The following PTGFRN variants were observed in gnomAD, a reference collection of about 807,000 sequenced individuals.
PTGFRN encodes prostaglandin F2 receptor negative regulator.
In PTGFRN, 35 loss-of-function variants were observed where a neutral mutation model predicts 83.2. The observed-to-expected ratio is 0.42, with a 90% confidence interval of 0.32 to 0.56. The LOEUF is 0.56. Among genes scored for constraint, PTGFRN ranks in the 20% least tolerant of loss-of-function variants. The probability of loss-of-function intolerance (pLI) is 0.11; values close to 1 mark genes in which losing one functional copy is unlikely to be tolerated. For synonymous variants in PTGFRN, 519 were observed against 498.6 expected (o/e 1.04, Z -0.55); for missense variants, 1,051 against 1,179.5 (o/e 0.89, Z 1.60).
At position 116,967,370 on chromosome 1, in the gene PTGFRN, A is replaced by G. The variant is rs758091430; in HGVS notation, c.2059+40A>G. The G allele has an allele frequency of 3.8e-6, 6 of 1,567,218 alleles. No individual in the cohort carries two copies. In the East Asian group the frequency reaches 1.1e-4, roughly 29 times the overall value. The stretch of plus-strand genomic sequence containing the variant: ...CTGTTGAATCATAGGTGGAGCTAGA[A>G]GAGACCCTAGGGTTTTGATCAGATG... On this transcript the variant is annotated intron_variant, in intron 6 of 8. Coordinates refer to ENST00000393203, the MANE Select transcript of PTGFRN (RefSeq NM_020440.4).
chr1:116,959,710 G>A (rs191724842), intron 4 of PTGFRN, among the ~76,000 whole-genome samples: 51 of 152,100 alleles, frequency 3.4e-4, no homozygotes, highest in African/African-American at 1.1e-3. Flanking sequence ...GCGGTGGCTC[G>A]TTCCTGTAAT....
intron 1 of PTGFRN, among the ~76,000 whole-genome samples, chr1:116,924,899 A>G (rs897197284): frequency 6.6e-6 from 1 of 152,160 alleles, no homozygotes; most frequent in Non-Finnish European, 1.5e-5. Context: ...CAGTCCCTCC[A>G]GAGTCTCACA....
chr1:116,913,976 A>G (rs1251687516), intron 1 of PTGFRN, among the ~76,000 whole-genome samples: 1 of 152,236 alleles, frequency 6.6e-6, no homozygotes, highest in African/African-American at 2.4e-5. Context: ...GTATTTTAAA[A>G]TTCAAATGAT....
At chr1:116,935,473 A>G (rs996431287) in intron 1 of PTGFRN, among the ~76,000 whole-genome samples, 1 of 144,364 alleles carries the variant, frequency 6.9e-6, no homozygotes, top group African/African-American at 2.5e-5. Context: ...TGGTTTCTGT[A>G]GTGGGAGTGA....
chr1:116,939,498 AG>A (rs1422266433), intron 1 of PTGFRN, among the ~76,000 whole-genome samples: 1 of 152,218 alleles, frequency 6.6e-6, no homozygotes, highest in East Asian at 1.9e-4. Flanking sequence ...CCAAGTCCCT[AG>A]GCTGCACACA....
chr1:116,954,995 G>A (rs1467117090), intron 4 of PTGFRN, among the ~76,000 whole-genome samples: 2 of 152,176 alleles, frequency 1.3e-5, no homozygotes, highest in East Asian at 1.9e-4. Context: ...TGTCATGAGA[G>A]TAAAAGGAGG....
At chr1:116,979,975 G>C (rs1413527211) in intron 7 of PTGFRN, among the ~76,000 whole-genome samples, 1 of 152,168 alleles carries the variant, frequency 6.6e-6, no homozygotes, top group Non-Finnish European at 1.5e-5. Context: ...CTACTCATCT[G>C]ACAAAGGGCT....
At chr1:116,945,888 A>G (rs967568964) in intron 3 of PTGFRN, among the ~76,000 whole-genome samples, 2 of 152,090 alleles carry the variant, frequency 1.3e-5, no homozygotes, top group African/African-American at 4.8e-5. Context: ...TGGAGGACCT[A>G]CTGTGTGCTC....
At chr1:116,962,190 T>C (rs1650683327) in intron 5 of PTGFRN, among the ~76,000 whole-genome samples, 1 of 152,188 alleles carries the variant, frequency 6.6e-6, no homozygotes. Flanking sequence ...ATACCACCTC[T>C]TCTTGTTACT....
chr1:116,910,346 C>T lies in PTGFRN; in HGVS notation c.49+94C>T, dbSNP rs1335476621. ...GGCTGCAGCGCGCGGCCTGGGGCGC[C>T]GAGGGTGCCCGGGCTGCTCCCGGGA... is the stretch of plus-strand genomic sequence containing the variant. On this transcript the variant is annotated intron_variant, in intron 1 of 8. Coordinates refer to ENST00000393203, the MANE Select transcript of PTGFRN (RefSeq NM_020440.4). The T allele has an allele frequency of 7.1e-6, 8 of 1,130,972 alleles. No homozygotes were observed. The South Asian group carries it at 2.9e-4, about 42-fold the overall frequency. 70.1% of individuals were successfully genotyped at this position (1,130,972 alleles called of 1,614,324 possible). A position where few individuals can be genotyped will look rare whatever the true frequency, so the allele number is the denominator to read the frequency against.
Position 116,923,553 on chromosome 1 carries a change from C to T in PTGFRN, c.49+13301C>T, listed in dbSNP as rs1212657873. On this transcript the variant is annotated intron_variant, in intron 1 of 8. Coordinates refer to ENST00000393203, the MANE Select transcript of PTGFRN (RefSeq NM_020440.4). This position sits in a 1 kb window ranked among gnomAD's most constrained non-coding sequence, Gnocchi z 4.0. ...TTATTGTTTCTCCACTGCCTCCACC[C>T]CTTCCCTTTGCAGGATTGATACAAC... Among the ~76,000 whole-genome samples the T allele has an allele frequency of 6.6e-6, 1 of 152,194 alleles. No homozygotes were observed. The highest frequency in any genetic ancestry group is 6.5e-5 in the Admixed American group (1 of 15,286).
chr1:116,939,277 T>C (rs1650004673), intron 1 of PTGFRN, among the ~76,000 whole-genome samples: 1 of 152,250 alleles, frequency 6.6e-6, no homozygotes, highest in African/African-American at 2.4e-5. Flanking sequence ...CGGTTCTCCA[T>C]GAGAGCCCCA....
chr1:116,911,600 C>T (rs1271963768), intron 1 of PTGFRN, among the ~76,000 whole-genome samples: 2 of 152,228 alleles, frequency 1.3e-5, no homozygotes, highest in Non-Finnish European at 2.9e-5. Flanking sequence ...TCCAGATCTT[C>T]CACTTAGTTT....
chr1:116,936,878 C>T (rs1649933202), intron 1 of PTGFRN, among the ~76,000 whole-genome samples: 1 of 151,718 alleles, frequency 6.6e-6, no homozygotes, highest in South Asian at 2.1e-4. Context: ...ATGGACAAAA[C>T]AAAAATCACT....
At chr1:116,986,261 TA>T (rs1395661921) in intron 8 of PTGFRN, among the ~76,000 whole-genome samples, 1 of 152,240 alleles carries the variant, frequency 6.6e-6, no homozygotes, top group Non-Finnish European at 1.5e-5. Flanking sequence ...TTCTGACACT[TA>T]AATCATCTGT....
At chr1:116,915,349 A>G (rs1385809786) in intron 1 of PTGFRN, among the ~76,000 whole-genome samples, 1 of 152,204 alleles carries the variant, frequency 6.6e-6, no homozygotes, top group Non-Finnish European at 1.5e-5. Context: ...GGCTCTGAGG[A>G]CGGGCCGAAA....
At chr1:116,955,486 AAC>A (rs766951100) in intron 4 of PTGFRN, among the ~76,000 whole-genome samples, 4 of 152,138 alleles carry the variant, frequency 2.6e-5, no homozygotes, top group Non-Finnish European at 5.9e-5. Context: ...CACACACAAA[AAC>A]ACACACTTTT....
intron 1 of PTGFRN, among the ~76,000 whole-genome samples, chr1:116,922,991 T>C (rs2101053139): frequency 6.6e-6 from 1 of 152,328 alleles, no homozygotes; most frequent in Non-Finnish European, 1.5e-5. Context: ...CCAGGAGCGC[T>C]GCCGCCTACA....
chr1:116,965,607 C>T (rs897209960), intron 5 of PTGFRN, among the ~76,000 whole-genome samples: 1 of 147,180 alleles, frequency 6.8e-6, no homozygotes, highest in Non-Finnish European at 1.5e-5. Flanking sequence ...AAAATGTTGC[C>T]TCCTCAGTGA....
Sources: allele counts gnomAD v4.1 joint callset (sites outside exome capture counted in the v4.1 genomes callset), GRCh38; gene constraint gnomAD v4.1.1; non-coding constraint Gnocchi (gnomAD v3.1); transcripts MANE v1.5; gene names NCBI Gene and HGNC (gene_info 2026-07-23, HGNC 2026-07-21).